PCDHA7: variants seen among roughly 807,000 people sequenced by gnomAD.
PCDHA7 encodes protocadherin alpha 7.
A neutral mutation model predicts 57.2 loss-of-function variants in PCDHA7; 37 were observed. That is an observed-to-expected ratio of 0.65 (90% confidence interval 0.50 to 0.85). The LOEUF (loss-of-function observed/expected upper bound fraction) is 0.85. PCDHA7 is among the 40% of genes least tolerant of loss of function. The probability of loss-of-function intolerance (pLI) is 0.00; values close to 1 mark genes in which losing one functional copy is unlikely to be tolerated. For missense variants in PCDHA7, 1,188 were observed against 1,241.8 expected (o/e 0.96, Z 0.65); for synonymous variants, 553 against 558.8 (o/e 0.99, Z 0.15).
intron 1 of PCDHA7, among the ~76,000 whole-genome samples, chr5:140,895,711 T>C (rs2065121989): frequency 6.6e-6 from 1 of 152,216 alleles, no homozygotes; most frequent in African/African-American, 2.4e-5. Flanking sequence ...CTTGGGATAA[T>C]GGCCTGCACC....
chr5:140,850,615 T>C, intron 1 of PCDHA7: 1 of 1,598,228 alleles, frequency 6.3e-7, no homozygotes, highest in Non-Finnish European at 8.6e-7. Flanking sequence ...ATCTGCGCGG[T>C]GTCTAGCCTG....
At chr5:140,968,041 C>T (rs1554230247) in intron 1 of PCDHA7, 1 of 1,614,140 alleles carries the variant, frequency 6.2e-7, no homozygotes, top group Non-Finnish European at 8.5e-7. Context: ...TGGTGAGCGG[C>T]CCACTGGACC....
At position 140,982,510 on chromosome 5, in the gene PCDHA7, C is replaced by T; in HGVS notation, c.2450C>T (p.Ala817Val). 6.2e-7 allele frequency: 1 copy of T among 1,614,170 alleles called. No homozygotes were observed. The highest frequency in any genetic ancestry group is 8.5e-7 in the Non-Finnish European group (1 of 1,180,020). The change falls in exon 3 of 4, where the codon GCT becomes GTT. Residue 817 changes from alanine to valine, a missense_variant. Ala to Val is a moderately conservative substitution (Grantham distance 64, BLOSUM62 0). Coordinates refer to ENST00000525929, the MANE Select transcript of PCDHA7 (RefSeq NM_018910.3). ...CTAGAGGAGGCTGGCATTCTACGGGCTGGTCCAGGAGGGCCTGATCAGCAG... is the reference window on the plus strand; with the variant it reads ...CTAGAGGAGGCTGGCATTCTACGGGTTGGTCCAGGAGGGCCTGATCAGCAG... ...VHLEEAGILR[A>V]GPGGPDQQWP...
intron 1 of PCDHA7, among the ~76,000 whole-genome samples, chr5:140,965,644 G>A (rs201197561): frequency 6.6e-6 from 1 of 152,028 alleles, no homozygotes; most frequent in African/African-American, 2.4e-5. Flanking sequence ...AATTACTCTT[G>A]AAAGAAAATG....
intron 1 of PCDHA7, chr5:140,869,778 C>T (rs782226363): frequency 4.0e-5 from 65 of 1,612,804 alleles, no homozygotes; most frequent in Admixed American, 5.0e-5. Flanking sequence ...TTACTGGCAC[C>T]GTTCGGCTGT....
intron 1 of PCDHA7, chr5:140,861,595 T>G (rs1195852387): frequency 1.9e-5 from 7 of 367,584 alleles, no homozygotes; most frequent in Admixed American, 8.8e-5. Context: ...GAGGTGAAAG[T>G]GAAGAACAAT....
intron 1 of PCDHA7, among the ~76,000 whole-genome samples, chr5:140,872,587 A>AC (rs777810037): frequency 6.0e-4 from 91 of 152,014 alleles, no homozygotes; most frequent in Middle Eastern, 3.4e-3. Flanking sequence ...TCATCGTGAG[A>AC]CCCCCATCTG....
chr5:140,855,323 G>C lies in PCDHA7; in HGVS notation c.2355+18585G>C, dbSNP rs186152172. The stretch of plus-strand genomic sequence containing the variant: ...TTATAAAATTGGAACATGAGGGAGG[G>C]AGAGGTTAAACGATTTTCCCAAGTC... On this transcript the variant is annotated intron_variant, in intron 1 of 3. Transcript: ENST00000525929. 5.3e-5 allele frequency among the ~76,000 whole-genome samples: 8 copies of C among 149,960 alleles called. 1 individual carries two copies. The highest frequency in any genetic ancestry group is 7.5e-5 in the Non-Finnish European group (5 of 67,078).
At chr5:140,865,948 A>T (rs1324483727) in intron 1 of PCDHA7, 1 of 152,186 alleles carries the variant, frequency 6.6e-6, no homozygotes, top group African/African-American at 2.4e-5. Flanking sequence ...GATTGTCTTC[A>T]TCATTAATTT....
chr5:140,938,439 A>C (rs2092064072), intron 1 of PCDHA7, among the ~76,000 whole-genome samples: 1 of 152,208 alleles, frequency 6.6e-6, no homozygotes, highest in African/African-American at 2.4e-5. Flanking sequence ...TATCAGATTT[A>C]TTAAGTTCCC....
intron 1 of PCDHA7, among the ~76,000 whole-genome samples, chr5:140,955,244 G>A (rs1554221834): frequency 2.0e-5 from 3 of 152,072 alleles, no homozygotes; most frequent in South Asian, 2.1e-4. Flanking sequence ...GCTTAGGATC[G>A]GCTTGGCTAT....
intron 1 of PCDHA7, chr5:140,849,250 C>T: frequency 9.2e-7 from 1 of 1,091,342 alleles, no homozygotes; most frequent in Non-Finnish European, 1.3e-6. Context: ...GTGAAATTAC[C>T]AGAAAACGTT....
At chr5:140,869,098 T>C (rs1581867822) in intron 1 of PCDHA7, 7 of 1,596,122 alleles carry the variant, frequency 4.4e-6, no homozygotes, top group Non-Finnish European at 5.1e-6. Flanking sequence ...GCCAATTTCG[T>C]ATGCGATGTT....
rs782065685 is a variant in PCDHA7, at chr5:140,870,421, G to T, written c.2355+33683G>T. 9.3e-6 allele frequency: 15 copies of T among 1,614,096 alleles called. No individual in the cohort carries two copies. The highest frequency in any genetic ancestry group is 1.3e-5 in the Non-Finnish European group (15 of 1,180,046). On this transcript the variant is annotated intron_variant, in intron 1 of 3. Coordinates refer to ENST00000525929, the MANE Select transcript of PCDHA7 (RefSeq NM_018910.3). ...GCCTTCTCTGTGGGCCACGGCCAGG[G>T]TATCCGTGGAGGTGGCCGACGTGAA...
chr5:140,924,064 G>A (rs1584331926), intron 1 of PCDHA7, among the ~76,000 whole-genome samples: 1 of 152,172 alleles, frequency 6.6e-6, no homozygotes. Context: ...CTTTACAGTT[G>A]TATTTCATCT....
chr5:140,871,103 C>T lies in PCDHA7; in HGVS notation c.2355+34365C>T, dbSNP rs202137231. On this transcript the variant is annotated intron_variant, in intron 1 of 3. Coordinates refer to ENST00000525929, the MANE Select transcript of PCDHA7 (RefSeq NM_018910.3). Reference sequence around the variant, plus strand: ...ACGGCCACGGCCACCGTGCTGGTGTCGTTGGTGGAGAGCGGACAGGCGCCA... The same window carrying T: ...ACGGCCACGGCCACCGTGCTGGTGTTGTTGGTGGAGAGCGGACAGGCGCCA... 4 of 1,613,290 alleles carry T rather than the reference C, an allele frequency of 2.5e-6. No individual in the cohort carries two copies. The Admixed American group carries it at 5.0e-5, about 20-fold the overall frequency.
intron 1 of PCDHA7, chr5:140,859,924 T>C (rs1554152837): frequency 6.6e-6 from 1 of 151,964 alleles, no homozygotes; most frequent in African/African-American, 2.4e-5. Flanking sequence ...ATAAGTAATA[T>C]AAAAAACTTA....
intron 3 of PCDHA7, 85 bp from the exon 4 acceptor site, chr5:141,009,542 T>C: frequency 6.5e-7 from 1 of 1,530,742 alleles, no homozygotes; most frequent in Admixed American, 2.1e-5. Context: ...AGCCTGCCTA[T>C]GCAGTACTCC....
chr5:140,980,294 A>G (rs1325974235), intron 2 of PCDHA7, among the ~76,000 whole-genome samples: 1 of 152,234 alleles, frequency 6.6e-6, no homozygotes, highest in Non-Finnish European at 1.5e-5. Context: ...TACCAAAGCT[A>G]TGAGTTGTGC....
Sources: allele counts gnomAD v4.1 joint callset (sites outside exome capture counted in the v4.1 genomes callset), GRCh38; gene constraint gnomAD v4.1.1; transcripts MANE v1.5; gene names NCBI Gene and HGNC (gene_info 2026-07-23, HGNC 2026-07-21).